Variants in ARHGEF28 observed in about 807,000 individuals in gnomAD.
ARHGEF28 encodes 190 kDa guanine nucleotide exchange factor.
ARHGEF28 carries 152 observed loss-of-function variants against 206.6 expected under a neutral mutation model. That is an observed-to-expected ratio of 0.74 (90% CI 0.64 to 0.84). ARHGEF28 has a LOEUF of 0.84. Among genes scored for constraint, ARHGEF28 ranks in the 40% least tolerant of loss-of-function variants. The pLI is 0.00. For synonymous variants in ARHGEF28, 763 were observed against 776.4 expected (o/e 0.98, Z 0.29); for missense variants, 2,028 against 2,073.2 (o/e 0.98, Z 0.42).
At chr5:73,916,880 A>T (rs1183884131) in intron 35 of ARHGEF28, among the ~76,000 whole-genome samples, 1 of 152,238 alleles carries the variant, frequency 6.6e-6, no homozygotes, top group African/African-American at 2.4e-5. Context: ...AGGGAAGTGA[A>T]TTGAACTTTG....
chr5:73,801,173 G>T (rs138180286), intron 9 of ARHGEF28, among the ~76,000 whole-genome samples: 3,826 of 152,282 alleles, frequency 0.025, 159 homozygotes, highest in African/African-American at 0.087. Flanking sequence ...TTGGCCGGGC[G>T]CGGGGGCTCA....
chr5:73,872,704 C>A (rs868655095), intron 21 of ARHGEF28, among the ~76,000 whole-genome samples: 1 of 152,142 alleles, frequency 6.6e-6, no homozygotes, highest in Non-Finnish European at 1.5e-5. Context: ...TAGTTCCTAG[C>A]TGAAGGTATC....
At position 73,657,487 on chromosome 5, in the gene ARHGEF28, T is replaced by G. The variant is rs1255107170; in HGVS notation, c.-11-27354T>G. 2.6e-5 allele frequency among the ~76,000 whole-genome samples: 4 copies of G among 152,202 alleles called. No individual in the cohort carries two copies. In the East Asian group the frequency reaches 7.7e-4, roughly 29 times the overall value. ...TTAAACATAGTTATTTTACAAAATA[T>G]TCGATCAGTCTATCATTTGAAGTTC... is the stretch of plus-strand genomic sequence containing the variant. On this transcript the variant is annotated intron_variant, in intron 1 of 35. Transcript: ENST00000513042.
intron 1 of ARHGEF28, among the ~76,000 whole-genome samples, chr5:73,666,732 G>A (rs941202969): frequency 4.6e-5 from 7 of 152,184 alleles, no homozygotes; most frequent in Non-Finnish European, 1.0e-4. Context: ...GAAGCCACCT[G>A]CCAGAAGCCC....
At chr5:73,701,614 C>T (rs1389798480) in intron 2 of ARHGEF28, among the ~76,000 whole-genome samples, 1 of 152,068 alleles carries the variant, frequency 6.6e-6, no homozygotes, top group Non-Finnish European at 1.5e-5. Flanking sequence ...TCACTCCCCT[C>T]CCCCCACCAT....
intron 1 of ARHGEF28, among the ~76,000 whole-genome samples, chr5:73,677,393 G>C (rs1272602610): frequency 6.6e-6 from 1 of 152,252 alleles, no homozygotes; most frequent in East Asian, 1.9e-4. Flanking sequence ...CTGTTAATTA[G>C]TTTTGTAAAA....
intron 2 of ARHGEF28, among the ~76,000 whole-genome samples, chr5:73,739,573 C>G (rs1196829727): frequency 6.6e-6 from 1 of 152,068 alleles, no homozygotes; most frequent in African/African-American, 2.4e-5. Flanking sequence ...AATCCTAACA[C>G]TTCAGGAAGC....
intron 2 of ARHGEF28, among the ~76,000 whole-genome samples, chr5:73,719,527 C>A (rs1228443557): frequency 1.3e-5 from 2 of 151,992 alleles, no homozygotes; most frequent in Admixed American, 1.3e-4. Context: ...ATTTCAGAAA[C>A]TGACATTTCT....
intron 35 of ARHGEF28, among the ~76,000 whole-genome samples, chr5:73,921,480 T>C (rs947444076): frequency 5.9e-5 from 9 of 152,240 alleles, no homozygotes; most frequent in Admixed American, 3.9e-4. Flanking sequence ...GGATAAGATA[T>C]TAATTCAGTT....
chr5:73,789,280 AT>A (rs1754327907), intron 7 of ARHGEF28, among the ~76,000 whole-genome samples: 1 of 152,220 alleles, frequency 6.6e-6, no homozygotes, highest in Admixed American at 6.5e-5. Context: ...TGCTACATGA[AT>A]CCAGTTTCAA....
At chr5:73,795,756 G>A (rs973615869) in intron 9 of ARHGEF28, among the ~76,000 whole-genome samples, 1 of 152,140 alleles carries the variant, frequency 6.6e-6, no homozygotes, top group Non-Finnish European at 1.5e-5. Flanking sequence ...TGGTGGAACC[G>A]AGACTCATAA....
rs184587894 is a variant in ARHGEF28, at chr5:73,798,626, G to A, written c.1024+3235G>A. On this transcript the variant is annotated intron_variant, in intron 9 of 35. Transcript: ENST00000513042. Reference sequence around the variant, plus strand: ...AAGATCTGCTTCTGTTGCTATCATAGTGCAGAGTGGGACTCCTTCATATTC... The same window carrying A: ...AAGATCTGCTTCTGTTGCTATCATAATGCAGAGTGGGACTCCTTCATATTC... Among the ~76,000 whole-genome samples the A allele has an allele frequency of 2.6e-3, 392 of 152,292 alleles. 1 individual carries two copies. The highest frequency in any genetic ancestry group is 8.7e-3 in the African/African-American group (361 of 41,564).
At chr5:73,795,730 A>C (rs1470548711) in intron 9 of ARHGEF28, among the ~76,000 whole-genome samples, 2 of 152,190 alleles carry the variant, frequency 1.3e-5, no homozygotes, top group Admixed American at 1.3e-4. Context: ...CAGTTGAAGC[A>C]CTGGTGGAGA....
chr5:73,923,002 AG>A, intron 35 of ARHGEF28: 1 of 1,263,226 alleles, frequency 7.9e-7, no homozygotes, highest in Non-Finnish European at 1.1e-6. Flanking sequence ...TGGAAATTGG[AG>A]GGAAAAAACA....
In ARHGEF28 at chr5:73,641,019, C is replaced by A. The variant is rs373539044; in HGVS notation, c.-12+14697C>A. Among the ~76,000 whole-genome samples the A allele has an allele frequency of 7.9e-5, 12 of 152,278 alleles. No homozygotes were observed. The South Asian group carries it at 1.5e-3, about 18-fold the overall frequency. ...AATTCAAATTAGGGGAAGAAAGCCT[C>A]AAAGAGGCTGTTGTGTAGAAGGAGG... On this transcript the variant is annotated intron_variant, in intron 1 of 35. Coordinates refer to ENST00000513042, the MANE Select transcript of ARHGEF28 (RefSeq NM_001177693.2).
intron 33 of ARHGEF28, among the ~76,000 whole-genome samples, chr5:73,907,079 G>T (rs1762596070): frequency 6.6e-6 from 1 of 152,212 alleles, no homozygotes; most frequent in Admixed American, 6.5e-5. Context: ...TCTTGTTCAA[G>T]ATTTAGTGAG....
Position 73,940,877 on chromosome 5 carries a change from C to A in ARHGEF28, c.4982C>A (p.Pro1661His). The A allele has an allele frequency of 6.5e-7, 1 of 1,530,776 alleles. No individual in the cohort carries two copies. Among genetic ancestry groups the A allele is most frequent in the African/African-American group, 1.4e-5 (1 of 72,834 alleles). The allele number at this position is 1,530,776 out of a possible 1,614,324, so 94.8% of individuals were successfully genotyped here. A position where few individuals can be genotyped will look rare whatever the true frequency, so the allele number is the denominator to read the frequency against. ...ACCTCCCACACTGAGTCCCCAACCC[C>A]CCATGACTCAAATTCACACCGCCCT... ...LDTSHTESPT[P>H]HDSNSHRPQL... The change falls in exon 36 of 36, where the codon CCC (proline) becomes CAC (histidine). Residue 1661 changes from proline (P) to histidine (H), a missense_variant. Coordinates refer to ENST00000513042, the MANE Select transcript of ARHGEF28 (RefSeq NM_001177693.2).
At chr5:73,712,585 GA>G (rs1749315313) in intron 2 of ARHGEF28, among the ~76,000 whole-genome samples, 1 of 152,150 alleles carries the variant, frequency 6.6e-6, no homozygotes, top group Admixed American at 6.5e-5. Context: ...AAAAATTCCA[GA>G]AAACTGAGAC....
chr5:73,697,468 G>A (rs550150982), intron 2 of ARHGEF28, among the ~76,000 whole-genome samples: 8 of 152,168 alleles, frequency 5.3e-5, no homozygotes, highest in South Asian at 2.1e-4. Context: ...GAGGGGGCAC[G>A]TGTAGTGAGA....
Sources: gnomAD v4.1 joint callset for allele counts (sites outside exome capture counted in the v4.1 genomes callset) on GRCh38, gnomAD v4.1.1 for gene constraint, MANE v1.5 for transcripts, NCBI Gene and HGNC (gene_info 2026-07-23, HGNC 2026-07-21) for gene names.